RIMS2: variants seen among roughly 807,000 people sequenced by gnomAD.
RIMS2 encodes regulating synaptic membrane exocytosis protein 2.
In RIMS2, 59 loss-of-function variants were observed where a neutral mutation model predicts 174.4. The ratio of observed to expected loss-of-function variants is 0.34; its 90% CI spans 0.27 to 0.42. RIMS2 has a LOEUF of 0.42. RIMS2 is among the 10% of genes least tolerant of loss of function. The probability of loss-of-function intolerance (pLI) is 1.00; values close to 1 mark genes in which losing one functional copy is unlikely to be tolerated. For missense variants in RIMS2, 1,620 were observed against 1,666.3 expected, an observed-to-expected ratio of 0.97 and a Z score of 0.48; for synonymous variants, 606 against 572.5, an observed-to-expected ratio of 1.06 and a Z score of -0.84.
intron 19 of RIMS2, among the ~76,000 whole-genome samples, chr8:104,119,055 G>A (rs754013860): frequency 4.4e-4 from 67 of 151,804 alleles, no homozygotes; most frequent in Non-Finnish European, 7.7e-4. Context: ...GCACGGACAC[G>A]TACAAATTTA....
At chr8:104,202,598 C>T (rs1411742204) in intron 19 of RIMS2, among the ~76,000 whole-genome samples, 1 of 152,198 alleles carries the variant, frequency 6.6e-6, no homozygotes, top group Non-Finnish European at 1.5e-5. Context: ...TCCTCTGAGA[C>T]CCTCTCCTTG....
intron 19 of RIMS2, among the ~76,000 whole-genome samples, chr8:104,227,119 A>G (rs2099192642): frequency 6.6e-6 from 1 of 152,080 alleles, no homozygotes; most frequent in Non-Finnish European, 1.5e-5. Context: ...AGTGAAGCTT[A>G]CTTCAGTGAG....
intron 3 of RIMS2, among the ~76,000 whole-genome samples, chr8:103,783,364 C>T (rs1414847299): frequency 2.0e-5 from 3 of 150,534 alleles, no homozygotes; most frequent in Non-Finnish European, 3.0e-5. Flanking sequence ...TGGTGCGCTG[C>T]ACCCACTAAC....
intron 19 of RIMS2, among the ~76,000 whole-genome samples, chr8:104,114,933 A>C (rs537530700): frequency 6.6e-6 from 1 of 152,206 alleles, no homozygotes; most frequent in South Asian, 2.1e-4. Context: ...ACTCTAATAA[A>C]TATAAGAACA....
chr8:103,830,249 C>G (rs2098817235), intron 3 of RIMS2, among the ~76,000 whole-genome samples: 1 of 151,972 alleles, frequency 6.6e-6, no homozygotes, highest in Non-Finnish European at 1.5e-5. Context: ...TTAATTACTC[C>G]TTTTCTTCTA....
intron 1 of RIMS2, among the ~76,000 whole-genome samples, chr8:103,668,745 G>T (rs2096707925): frequency 6.6e-6 from 1 of 151,806 alleles, no homozygotes; most frequent in Non-Finnish European, 1.5e-5. Flanking sequence ...TGGTGGCACA[G>T]TTGTAGCTCA....
intron 19 of RIMS2, among the ~76,000 whole-genome samples, chr8:104,112,321 TATCTC>T (rs1389985026): frequency 6.6e-6 from 1 of 152,170 alleles, no homozygotes; most frequent in Non-Finnish European, 1.5e-5. Context: ...ATAATGTTGA[TATCTC>T]ATTTGTAGGG....
At chr8:103,723,944 G>T (rs2097491398) in intron 2 of RIMS2, among the ~76,000 whole-genome samples, 1 of 152,094 alleles carries the variant, frequency 6.6e-6, no homozygotes, top group African/African-American at 2.4e-5. Context: ...GGTGCTAGGG[G>T]AAGCTTGGAG....
At chr8:103,721,461 A>T (rs2097447281) in intron 2 of RIMS2, among the ~76,000 whole-genome samples, 1 of 152,206 alleles carries the variant, frequency 6.6e-6, no homozygotes, top group Admixed American at 6.5e-5. Flanking sequence ...ACAACTGAAA[A>T]TATTAATAAA....
At chr8:103,728,863 A>G (rs763189946) in intron 2 of RIMS2, among the ~76,000 whole-genome samples, 3 of 148,948 alleles carry the variant, frequency 2.0e-5, no homozygotes, top group Non-Finnish European at 3.0e-5. Context: ...TTCTGTTGAC[A>G]TGATGTAACA....
rs2154428291 is a variant in RIMS2 at position 103,772,143 on chromosome 8, T to C, written c.698+5606T>C. 2.0e-5 allele frequency among the ~76,000 whole-genome samples: 3 copies of C among 152,016 alleles called. No homozygotes were observed. The South Asian group carries it at 6.2e-4, about 32-fold the overall frequency. ...TTAATACTTCTGCTTCTAGTACAAA[T>C]GGAATAATAGTGCCTGGATTTACTA... On this transcript the variant is annotated intron_variant, in intron 3 of 23. Coordinates refer to ENST00000504942, the Ensembl canonical transcript of RIMS2.
chr8:104,094,850 A>C, intron 19 of RIMS2: 1 of 561,384 alleles, frequency 1.8e-6, no homozygotes, highest in Non-Finnish European at 3.1e-6. Context: ...TTAGCTTCTA[A>C]TATTACTAAT....
At chr8:104,154,005 G>C (rs1476424221) in intron 19 of RIMS2, among the ~76,000 whole-genome samples, 2 of 152,162 alleles carry the variant, frequency 1.3e-5, no homozygotes, top group Non-Finnish European at 2.9e-5. Context: ...AGAAAACGAA[G>C]AGGTGAGTTA....
At chr8:103,884,715 CAA>C (rs891984882) in intron 3 of RIMS2, among the ~76,000 whole-genome samples, 1 of 151,436 alleles carries the variant, frequency 6.6e-6, no homozygotes, top group African/African-American at 2.4e-5. Flanking sequence ...TTGCTTATCT[CAA>C]GTTAGATCAA....
At chr8:103,593,253 T>G (rs955276669) in intron 1 of RIMS2, among the ~76,000 whole-genome samples, 7 of 151,446 alleles carry the variant, frequency 4.6e-5, no homozygotes, top group Non-Finnish European at 7.4e-5. Flanking sequence ...GTTAATGATA[T>G]GATTTTTGGA....
intron 1 of RIMS2, among the ~76,000 whole-genome samples, chr8:103,664,249 C>T (rs2096640173): frequency 6.6e-6 from 1 of 152,164 alleles, no homozygotes; most frequent in Non-Finnish European, 1.5e-5. Flanking sequence ...ACACCGAAAG[C>T]AATGGCAACA....
intron 3 of RIMS2, among the ~76,000 whole-genome samples, chr8:103,818,216 A>G (rs947936525): frequency 5.3e-5 from 8 of 152,290 alleles, no homozygotes; most frequent in African/African-American, 1.9e-4. Context: ...CTGATAGTGT[A>G]TGGAAAGGGA....
chr8:103,512,873 G>A (rs1346385184), intron 1 of RIMS2, among the ~76,000 whole-genome samples: 2 of 152,126 alleles, frequency 1.3e-5, no homozygotes, highest in Non-Finnish European at 2.9e-5. Flanking sequence ...TTCTGAACCA[G>A]TGAACTCAAA....
intron 1 of RIMS2, among the ~76,000 whole-genome samples, chr8:103,516,663 T>TG (rs1157887021): frequency 5.3e-5 from 8 of 152,158 alleles, no homozygotes; most frequent in African/African-American, 1.9e-4. Flanking sequence ...AATGTAGTAT[T>TG]CCTACATACT....
Sources: gnomAD v4.1 joint callset for allele counts (sites outside exome capture counted in the v4.1 genomes callset) on GRCh38, gnomAD v4.1.1 for gene constraint, MANE v1.5 for transcripts, NCBI Gene and HGNC (gene_info 2026-07-23, HGNC 2026-07-21) for gene names.